Variants in ADCY2 observed in about 807,000 individuals in gnomAD.
ADCY2 encodes the protein adenylate cyclase 2.
ADCY2 carries 31 observed loss-of-function variants against 125.2 expected under a neutral mutation model. The ratio of observed to expected loss-of-function variants is 0.25; its 90% CI spans 0.19 to 0.33. ADCY2 has a LOEUF of 0.33. Ranked by LOEUF, ADCY2 falls within the 10% of genes least tolerant of loss-of-function variation. The probability of loss-of-function intolerance (pLI) is 1.00; values close to 1 mark genes in which losing one functional copy is unlikely to be tolerated. For missense variants in ADCY2, 904 were observed against 1,418.2 expected (o/e 0.64, Z 5.82); for synonymous variants, 512 against 548.4 (o/e 0.93, Z 0.93).
intron 17 of ADCY2, among the ~76,000 whole-genome samples, chr5:7,771,254 A>G (rs112066426): frequency 0.018 from 2,797 of 152,152 alleles, 92 homozygotes; most frequent in African/African-American, 0.064. Flanking sequence ...TGTTGATTCT[A>G]TTGTTTTACT....
intron 2 of ADCY2, among the ~76,000 whole-genome samples, chr5:7,453,558 G>A (rs1337279150): frequency 1.3e-5 from 2 of 152,140 alleles, no homozygotes; most frequent in Admixed American, 1.3e-4. Flanking sequence ...GAGAGACCAA[G>A]GTAAATTTTA....
At chr5:7,722,921 C>T (rs1164773029) in intron 12 of ADCY2, among the ~76,000 whole-genome samples, 1 of 142,096 alleles carries the variant, frequency 7.0e-6, no homozygotes, top group Non-Finnish European at 1.5e-5. Context: ...GATCACACCA[C>T]TGCACTCCAG....
chr5:7,630,035 G>A (rs1347146828), intron 4 of ADCY2, among the ~76,000 whole-genome samples: 1 of 152,112 alleles, frequency 6.6e-6, no homozygotes, highest in African/African-American at 2.4e-5. Flanking sequence ...ACCATCCTGT[G>A]GATCAAATAT....
intron 13 of ADCY2, among the ~76,000 whole-genome samples, chr5:7,726,777 A>G (rs1427736187): frequency 6.6e-6 from 1 of 152,212 alleles, no homozygotes; most frequent in Admixed American, 6.5e-5. Flanking sequence ...GTAAGATAGT[A>G]TATGAGAAGT....
At chr5:7,657,004 T>C (rs1732149748) in intron 4 of ADCY2, among the ~76,000 whole-genome samples, 1 of 152,208 alleles carries the variant, frequency 6.6e-6, no homozygotes, top group Admixed American at 6.5e-5. Flanking sequence ...TCACGTGCAA[T>C]TATTAAAATT....
chr5:7,507,440 C>CAAAAAAAAAAAAAAAA (rs766601693), intron 2 of ADCY2, among the ~76,000 whole-genome samples: 2 of 46,984 alleles, frequency 4.3e-5, no homozygotes, highest in Non-Finnish European at 8.0e-5. Context: ...GACTCCGTCT[C>CAAAAAAAAAAAAAAAA]AAAAAAAAAA....
At chr5:7,570,525 C>T (rs1736034087) in intron 3 of ADCY2, among the ~76,000 whole-genome samples, 1 of 147,114 alleles carries the variant, frequency 6.8e-6, no homozygotes, top group South Asian at 2.1e-4. Context: ...GTAGGAGTGA[C>T]TAAAAGTGGA....
intron 6 of ADCY2, among the ~76,000 whole-genome samples, chr5:7,697,905 A>C (rs1011804995): frequency 6.6e-6 from 1 of 152,134 alleles, no homozygotes; most frequent in Non-Finnish European, 1.5e-5. Flanking sequence ...CTGGGCATAG[A>C]ATGTTTTATT....
At chr5:7,756,334 C>T (rs891336030) in intron 15 of ADCY2, among the ~76,000 whole-genome samples, 1 of 152,134 alleles carries the variant, frequency 6.6e-6, no homozygotes, top group East Asian at 1.9e-4. Flanking sequence ...TGCTGGCTGT[C>T]GTTCCCCAAA....
chr5:7,482,259 A>G (rs926390300), intron 2 of ADCY2, among the ~76,000 whole-genome samples: 6 of 152,062 alleles, frequency 3.9e-5, no homozygotes, highest in African/African-American at 1.4e-4. Context: ...CCTTTACCCA[A>G]TTCTTATGGG....
intron 4 of ADCY2, among the ~76,000 whole-genome samples, chr5:7,646,888 C>T (rs537189858): frequency 3.2e-4 from 48 of 152,266 alleles, no homozygotes; most frequent in South Asian, 8.3e-4. Context: ...TGGGCAATTT[C>T]GGCCACCATC....
At chr5:7,429,940 G>A (rs1323635274) in intron 2 of ADCY2, among the ~76,000 whole-genome samples, 6 of 151,794 alleles carry the variant, frequency 4.0e-5, no homozygotes, top group Non-Finnish European at 8.8e-5. Flanking sequence ...CTTTGGGAAG[G>A]TTAGTAAAAT....
intron 1 of ADCY2, among the ~76,000 whole-genome samples, chr5:7,407,756 C>T (rs950849266): frequency 2.0e-5 from 3 of 151,962 alleles, no homozygotes; most frequent in South Asian, 4.2e-4. Flanking sequence ...GTGCAGAAGC[C>T]GGCCTGGGAC....
At chr5:7,414,542 A>G (rs1311239304) in intron 1 of ADCY2, 31 bp from the exon 2 acceptor site, 2 of 1,572,074 alleles carry the variant, frequency 1.3e-6, no homozygotes, top group Non-Finnish European at 1.7e-6. Context: ...TCTAAATGGT[A>G]ACTTTTCCAT....
At chr5:7,754,190 G>A (rs1322761480) in intron 15 of ADCY2, among the ~76,000 whole-genome samples, 3 of 152,168 alleles carry the variant, frequency 2.0e-5, no homozygotes, top group African/African-American at 7.2e-5. Flanking sequence ...GTCTGTTTTA[G>A]TAAGTTACTA....
chr5:7,771,963 C>T (rs78199172), intron 17 of ADCY2, among the ~76,000 whole-genome samples: 5,480 of 152,206 alleles, frequency 0.036, 321 homozygotes, highest in African/African-American at 0.13. Flanking sequence ...ACAGAAACCC[C>T]GTAATGTAGC....
At chr5:7,697,985 G>A (rs769492486) in intron 6 of ADCY2, among the ~76,000 whole-genome samples, 4 of 152,166 alleles carry the variant, frequency 2.6e-5, no homozygotes, top group African/African-American at 7.2e-5. Flanking sequence ...CTGCTTCTAT[G>A]AAGTGTAAAT....
chr5:7,555,553 A>G (rs531981075), intron 3 of ADCY2, among the ~76,000 whole-genome samples: 108 of 152,284 alleles, frequency 7.1e-4, no homozygotes, highest in African/African-American at 2.5e-3. Flanking sequence ...TTTAAATATA[A>G]TTGTATATGT....
intron 18 of ADCY2, among the ~76,000 whole-genome samples, chr5:7,777,676 T>G (rs1743777171): frequency 6.6e-6 from 1 of 152,246 alleles, no homozygotes; most frequent in South Asian, 2.1e-4. Context: ...CAAGGCCTTT[T>G]CAGAACCAAC....
Sources: gnomAD v4.1 joint callset for allele counts (sites outside exome capture counted in the v4.1 genomes callset) on GRCh38, gnomAD v4.1.1 for gene constraint, MANE v1.5 for transcripts, NCBI Gene and HGNC (gene_info 2026-07-23, HGNC 2026-07-21) for gene names.